Variants in BMERB1 observed in about 807,000 individuals in gnomAD.
The protein encoded by BMERB1 is bMERB domain-containing protein 1.
BMERB1 carries 12 observed loss-of-function variants against 23.6 expected under a neutral mutation model. That is an observed-to-expected ratio of 0.51 (90% CI 0.33 to 0.82). The LOEUF (loss-of-function observed/expected upper bound fraction) is 0.82, where lower values mean the gene tolerates loss of function less well. BMERB1 is among the 40% of genes least tolerant of loss of function. The pLI, the probability that BMERB1 is intolerant of heterozygous loss-of-function variation, is 0.03. For synonymous variants in BMERB1, 122 were observed against 96.6 expected, an observed-to-expected ratio of 1.26 and a Z score of -1.54; for missense variants, 247 against 255.4, an observed-to-expected ratio of 0.97 and a Z score of 0.22.
At chr16:15,586,078 C>A (rs976076785) in intron 5 of BMERB1, among the ~76,000 whole-genome samples, 2 of 151,324 alleles carry the variant, frequency 1.3e-5, no homozygotes, top group African/African-American at 4.9e-5. Context: ...TTTTTTTTAT[C>A]AATAAAGTAA....
rs372946801 is a variant in BMERB1, at chr16:15,489,936, G to A, written c.107-25369G>A. Among the ~76,000 whole-genome samples, 37 of 151,882 alleles carry A rather than the reference G, an allele frequency of 2.4e-4. No homozygotes were observed. The East Asian group carries it at 5.8e-3, about 24-fold the overall frequency. The stretch of plus-strand genomic sequence containing the variant: ...GGCTGCAGTGCAGTGGCTCGATCTC[G>A]GCTGGCTGCAAGCTACGCCTCCCGG... On this transcript the variant is annotated intron_variant, in intron 1 of 5. Transcript: ENST00000300006.
At chr16:15,453,033 G>T (rs141566678) in intron 1 of BMERB1, among the ~76,000 whole-genome samples, 2 of 152,210 alleles carry the variant, frequency 1.3e-5, no homozygotes, top group East Asian at 3.9e-4. Context: ...ATAGCTGGGC[G>T]TGGTGGCAGG....
intron 1 of BMERB1, among the ~76,000 whole-genome samples, chr16:15,496,362 C>G (rs560249298): frequency 6.6e-6 from 1 of 152,106 alleles, no homozygotes; most frequent in Non-Finnish European, 1.5e-5. Flanking sequence ...GCCTTATATA[C>G]GATCTGTCAT....
intron 3 of BMERB1, among the ~76,000 whole-genome samples, chr16:15,571,108 A>C (rs1033105787): frequency 4.6e-5 from 7 of 152,114 alleles, no homozygotes; most frequent in Admixed American, 4.6e-4. Context: ...CCTCCTGGGC[A>C]TTCAGCCCAG....
chr16:15,530,461 T>C (rs1333720524), intron 2 of BMERB1, among the ~76,000 whole-genome samples: 1 of 152,212 alleles, frequency 6.6e-6, no homozygotes, highest in Non-Finnish European at 1.5e-5. Context: ...CAGGCTGGAG[T>C]GCAGTGACAC....
intron 1 of BMERB1, among the ~76,000 whole-genome samples, chr16:15,491,083 CA>C (rs1422057105): frequency 6.6e-6 from 1 of 152,210 alleles, no homozygotes; most frequent in Non-Finnish European, 1.5e-5. Flanking sequence ...CTCCTGAGCT[CA>C]AGTAATCTTC....
At chr16:15,460,575 T>A (rs1034112982) in intron 1 of BMERB1, among the ~76,000 whole-genome samples, 1 of 152,210 alleles carries the variant, frequency 6.6e-6, no homozygotes, top group Admixed American at 6.5e-5. Flanking sequence ...GATGTGATGA[T>A]GTGCCAAGAC....
At position 15,434,777 on chromosome 16, in the gene BMERB1, G is replaced by C; in HGVS notation, c.106+18G>C. On this transcript the variant is annotated intron_variant, in intron 1 of 5. Transcript: ENST00000300006. ...GGGGAGAAGTGAGTACTGGGGCGGG[G>C]GGCGGGGGGCCGGGGACAGCTGGGG... 1 of 473,426 alleles carries C rather than the reference G, an allele frequency of 2.1e-6. No homozygotes were observed. The highest frequency in any genetic ancestry group is 1.7e-5 in the South Asian group (1 of 57,570). The allele number at this position is 473,426 out of a possible 1,614,324, so 29.3% of individuals were successfully genotyped here.
chr16:15,524,233 G>A (rs982542443), intron 2 of BMERB1, among the ~76,000 whole-genome samples: 4 of 152,040 alleles, frequency 2.6e-5, no homozygotes, highest in Non-Finnish European at 4.4e-5. Context: ...TGTACATATC[G>A]GATGGGAAGA....
intron 2 of BMERB1, among the ~76,000 whole-genome samples, chr16:15,544,235 T>C (rs1048210471): frequency 6.6e-6 from 1 of 152,220 alleles, no homozygotes; most frequent in African/African-American, 2.4e-5. Context: ...GGAGCGAGCT[T>C]TACCATTTTA....
chr16:15,443,463 T>TG (rs1439761239), intron 1 of BMERB1, among the ~76,000 whole-genome samples: 1 of 150,804 alleles, frequency 6.6e-6, no homozygotes, highest in Non-Finnish European at 1.5e-5. Flanking sequence ...CGCTTGAGCC[T>TG]GGGGGGCCCG....
At chr16:15,574,986 G>A in intron 3 of BMERB1, among the ~76,000 whole-genome samples, 1 of 152,192 alleles carries the variant, frequency 6.6e-6, no homozygotes, top group East Asian at 1.9e-4. Flanking sequence ...GACTGAGGCA[G>A]GAGAATTGCT....
intron 2 of BMERB1, among the ~76,000 whole-genome samples, chr16:15,523,581 GTC>G (rs775204212): frequency 3.3e-5 from 5 of 152,088 alleles, no homozygotes; most frequent in Non-Finnish European, 7.4e-5. Flanking sequence ...AAGCTGTGGG[GTC>G]TCTCAACTAG....
intron 1 of BMERB1, among the ~76,000 whole-genome samples, chr16:15,469,530 G>T (rs1427813360): frequency 6.6e-6 from 1 of 152,080 alleles, no homozygotes; most frequent in Non-Finnish European, 1.5e-5. Flanking sequence ...AAATTACCTT[G>T]CAGGGGTATT....
chr16:15,520,916 T>C (rs1279657030), intron 2 of BMERB1, among the ~76,000 whole-genome samples: 1 of 152,182 alleles, frequency 6.6e-6, no homozygotes, highest in African/African-American at 2.4e-5. Context: ...ATCAAAGAAC[T>C]GAAACTCACC....
At chr16:15,504,139 C>T (rs1336555536) in intron 1 of BMERB1, among the ~76,000 whole-genome samples, 2 of 152,184 alleles carry the variant, frequency 1.3e-5, no homozygotes, top group African/African-American at 4.8e-5. Flanking sequence ...ATGCATGGCT[C>T]AAGCGTGAGA....
chr16:15,531,465 T>C (rs1464170817), intron 2 of BMERB1, among the ~76,000 whole-genome samples: 1 of 152,106 alleles, frequency 6.6e-6, no homozygotes, highest in Non-Finnish European at 1.5e-5. Context: ...CAGGGACCAT[T>C]CTTCAGTCTA....
chr16:15,451,814 G>T (rs35658570), intron 1 of BMERB1, among the ~76,000 whole-genome samples: 8 of 143,814 alleles, frequency 5.6e-5, no homozygotes, highest in Admixed American at 7.2e-5. Context: ...GGGCTCAAGT[G>T]AGCCTCCTGC....
chr16:15,469,103 A>G (rs2051208133), intron 1 of BMERB1, among the ~76,000 whole-genome samples: 1 of 151,444 alleles, frequency 6.6e-6, no homozygotes, highest in Admixed American at 6.6e-5. Context: ...AGCTGGGACT[A>G]CAAGTGCGTG....
Sources: allele counts gnomAD v4.1 joint callset (sites outside exome capture counted in the v4.1 genomes callset), GRCh38; gene constraint gnomAD v4.1.1; transcripts MANE v1.5; gene names NCBI Gene and HGNC (gene_info 2026-07-23, HGNC 2026-07-21).